The following ALPK2 variants were observed in gnomAD, a reference collection of about 807,000 sequenced individuals.
ALPK2 encodes alpha kinase 2, also known as alpha-protein kinase 2.
In ALPK2, 127 loss-of-function variants were observed where a neutral mutation model predicts 163.1. The ratio of observed to expected loss-of-function variants is 0.78; its 90% confidence interval spans 0.67 to 0.90. The LOEUF is 0.90. Among genes scored for constraint, ALPK2 ranks in the 40% least tolerant of loss-of-function variants. The pLI, the probability that ALPK2 is intolerant of heterozygous loss-of-function variation, is 0.00. For missense variants in ALPK2, 2,360 were observed against 2,589.6 expected, an observed-to-expected ratio of 0.91 and a Z score of 1.92; for synonymous variants, 953 against 959.1, an observed-to-expected ratio of 0.99 and a Z score of 0.12.
chr18:58,605,211 G>C (rs75566899), intron 3 of ALPK2, among the ~76,000 whole-genome samples: 18 of 152,226 alleles, frequency 1.2e-4, no homozygotes, highest in Non-Finnish European at 2.1e-4. Flanking sequence ...GCCTGTTTTT[G>C]TAAATAAAGT....
intron 4 of ALPK2, among the ~76,000 whole-genome samples, chr18:58,543,168 G>A (rs2051699500): frequency 6.6e-6 from 1 of 152,194 alleles, no homozygotes; most frequent in Non-Finnish European, 1.5e-5. Flanking sequence ...GTGATGCCCT[G>A]CTCTGCCTTG....
At chr18:58,498,129 G>T (rs2051410635) in intron 11 of ALPK2, 32 bp from the exon 12 acceptor site, 1 of 1,612,436 alleles carries the variant, frequency 6.2e-7, no homozygotes, top group East Asian at 2.2e-5. Context: ...ATGGGAGTTT[G>T]TGTTACTCAG....
rs143892573 is a variant in ALPK2, at chr18:58,501,860, G to A, written c.6247+2071C>T. ...ATGAAATCCAAGTCAAGTTTCTAGT[G>A]TAGTTGATTATATTCTGCCAATGTC... On this transcript the variant is annotated intron_variant, in intron 11 of 12. Transcript: ENST00000361673. 6.1e-3 allele frequency among the ~76,000 whole-genome samples: 934 copies of A among 152,246 alleles called. 4 individuals are homozygous for A. The highest frequency in any genetic ancestry group is 0.012 in the South Asian group (60 of 4,820).
Position 58,616,491 on chromosome 18 carries a change from C to T in ALPK2, c.-20-4674G>A, listed in dbSNP as rs112818803. ...GGCCTTGCTGGGTTCAGATCAGGTG[C>T]TTTTTGTCCAATCACATTTCTACAT... On this transcript the variant is annotated intron_variant, in intron 1 of 12. Coordinates refer to ENST00000361673, the MANE Select transcript of ALPK2 (RefSeq NM_052947.4). 3.5e-3 allele frequency among the ~76,000 whole-genome samples: 529 copies of T among 152,292 alleles called. 5 individuals carry two copies. The highest frequency in any genetic ancestry group is 0.012 in the African/African-American group (513 of 41,544).
At chr18:58,606,843 C>T (rs10163859) in intron 3 of ALPK2, among the ~76,000 whole-genome samples, 64,799 of 151,962 alleles carry the variant, frequency 0.43, 14,456 homozygotes, top group East Asian at 0.74. Context: ...AAAAAAAATT[C>T]GAAATCACTG....
chr18:58,573,882 G>A (rs1158181964), intron 4 of ALPK2, among the ~76,000 whole-genome samples: 1 of 151,980 alleles, frequency 6.6e-6, no homozygotes, highest in Non-Finnish European at 1.5e-5. Flanking sequence ...TGAAGCAGCA[G>A]GTAGGCTGAG....
intron 3 of ALPK2, among the ~76,000 whole-genome samples, chr18:58,606,020 G>A (rs1470586036): frequency 1.3e-5 from 2 of 152,360 alleles, no homozygotes; most frequent in South Asian, 4.1e-4. Context: ...TAGATATGCT[G>A]TAAGTCAGAT....
chr18:58,503,826 G>T lies in ALPK2; in HGVS notation c.6247+105C>A, dbSNP rs555979594. 4.9e-6 allele frequency: 5 copies of T among 1,021,948 alleles called. No individual in the cohort carries two copies. The East Asian group carries it at 9.7e-5, about 20-fold the overall frequency. 63.3% of individuals were successfully genotyped at this position (1,021,948 alleles called of 1,614,324 possible). On this transcript the variant is annotated intron_variant, in intron 11 of 12. Transcript: ENST00000361673. ...CTTCTGCAGGTAAAGGTGTTTCAAG[G>T]TACCCAGCAGGCCTATCCTTCCTCT... is the stretch of plus-strand genomic sequence containing the variant.
At chr18:58,604,817 C>T (rs1462837822) in intron 3 of ALPK2, among the ~76,000 whole-genome samples, 1 of 152,122 alleles carries the variant, frequency 6.6e-6, no homozygotes, top group Non-Finnish European at 1.5e-5. Flanking sequence ...ATGGTGACTC[C>T]CTGAACCTTC....
At chr18:58,508,127 A>C (rs1400405353) in intron 10 of ALPK2, among the ~76,000 whole-genome samples, 6 of 152,172 alleles carry the variant, frequency 3.9e-5, no homozygotes, top group Non-Finnish European at 7.4e-5. Context: ...GACTCAGTGC[A>C]AGAGGACAAT....
chr18:58,604,538 G>A (rs1159834784), intron 3 of ALPK2, among the ~76,000 whole-genome samples: 1 of 152,110 alleles, frequency 6.6e-6, no homozygotes, highest in Non-Finnish European at 1.5e-5. Context: ...TGATACTAAC[G>A]GGCAGCTAGA....
rs2051643947 is a variant in ALPK2, at chr18:58,535,955, A to G, written c.4232T>C (p.Val1411Ala). The change falls in exon 5 of 13, where the codon GTG (valine) becomes GCG (alanine). Residue 1411 changes from valine to alanine, a missense_variant. Physicochemically the swap from Val to Ala is moderately conservative, Grantham distance 64. Transcript: ENST00000361673. The part of the protein sequence containing the change: ...SSVDPIDEIS[V>A]IEYTRAGKPE... ...TTTTCCAGCCCTGGTGTACTCTATC[A>G]CACTTATCTCATCAATGGGATCTAC... The G allele has an allele frequency of 6.2e-7, 1 of 1,614,020 alleles. No individual in the cohort carries two copies. The highest frequency in any genetic ancestry group is 1.3e-5 in the African/African-American group (1 of 74,910).
intron 3 of ALPK2, among the ~76,000 whole-genome samples, chr18:58,605,666 C>A (rs756533046): frequency 6.6e-6 from 1 of 152,182 alleles, no homozygotes; most frequent in Non-Finnish European, 1.5e-5. Flanking sequence ...CACCTGTGAA[C>A]CTTACAGCTG....
intron 5 of ALPK2, among the ~76,000 whole-genome samples, chr18:58,531,532 G>C (rs1260478552): frequency 6.6e-6 from 1 of 151,220 alleles, no homozygotes; most frequent in African/African-American, 2.4e-5. Flanking sequence ...AATTGCTGTT[G>C]CTTACACTGA....
intron 1 of ALPK2, among the ~76,000 whole-genome samples, chr18:58,616,612 A>G (rs2052170028): frequency 6.6e-6 from 1 of 152,174 alleles, no homozygotes; most frequent in Non-Finnish European, 1.5e-5. Context: ...GGAGGCTGAC[A>G]GGAGGTGAAG....
intron 12 of ALPK2, among the ~76,000 whole-genome samples, chr18:58,488,736 G>A (rs1033314773): frequency 4.6e-5 from 7 of 151,928 alleles, no homozygotes; most frequent in Non-Finnish European, 1.0e-4. Flanking sequence ...CAAGGAATTC[G>A]AGGTCAGGAT....
At chr18:58,527,641 A>G (rs1568074933) in intron 6 of ALPK2, among the ~76,000 whole-genome samples, 1 of 152,254 alleles carries the variant, frequency 6.6e-6, no homozygotes, top group African/African-American at 2.4e-5. Context: ...ACAGCTTCAG[A>G]AAATAATTTA....
chr18:58,566,315 A>G (rs1399830422), intron 4 of ALPK2: 1 of 152,148 alleles, frequency 6.6e-6, no homozygotes, highest in African/African-American at 2.4e-5. Flanking sequence ...CCATAAACCA[A>G]ATTCCAGTAT....
intron 3 of ALPK2, among the ~76,000 whole-genome samples, chr18:58,588,633 G>A (rs777104702): frequency 6.6e-6 from 1 of 152,002 alleles, no homozygotes; most frequent in Non-Finnish European, 1.5e-5. Flanking sequence ...CCCTCCCTGT[G>A]TCCATGTATT....
Sources: allele counts gnomAD v4.1 joint callset (sites outside exome capture counted in the v4.1 genomes callset), GRCh38; gene constraint gnomAD v4.1.1; transcripts MANE v1.5; gene names NCBI Gene and HGNC (gene_info 2026-07-23, HGNC 2026-07-21).